The following KRCC1 variants were observed in gnomAD, a reference collection of about 807,000 sequenced individuals.
The protein encoded by KRCC1 is lysine rich coiled-coil 1.
KRCC1 carries 3 observed loss-of-function variants against 7.4 expected under a neutral mutation model. The ratio of observed to expected loss-of-function variants is 0.40; its 90% CI spans 0.18 to 1.04. The LOEUF (loss-of-function observed/expected upper bound fraction) is 1.04. Ranked by LOEUF, KRCC1 falls within the 50% of genes least tolerant of loss-of-function variation. The pLI, the probability that KRCC1 is intolerant of heterozygous loss-of-function variation, is 0.33. For missense variants in KRCC1, 277 were observed against 300.9 expected, an observed-to-expected ratio of 0.92 and a Z score of 0.59; for synonymous variants, 102 against 101.6, an observed-to-expected ratio of 1.00 and a Z score of -0.02.
At chr2:88,053,929 A>G (rs752031145) in intron 1 of KRCC1, among the ~76,000 whole-genome samples, 2 of 152,224 alleles carry the variant, frequency 1.3e-5, no homozygotes, top group Non-Finnish European at 2.9e-5. Flanking sequence ...AAAAAGCAAC[A>G]TAAGGCAACA....
At chr2:88,049,747 C>T (rs1345092132) in intron 1 of KRCC1, among the ~76,000 whole-genome samples, 1 of 152,246 alleles carries the variant, frequency 6.6e-6, no homozygotes, top group Non-Finnish European at 1.5e-5. Context: ...TTTTAACATG[C>T]TTAGTTAATA....
chr2:88,041,180 G>T (rs978923127), intron 1 of KRCC1, among the ~76,000 whole-genome samples: 1 of 152,172 alleles, frequency 6.6e-6, no homozygotes, highest in Admixed American at 6.5e-5. Flanking sequence ...GGAAGAATAT[G>T]AGAGATATTC....
chr2:88,053,180 A>G (rs1199121634), intron 1 of KRCC1, among the ~76,000 whole-genome samples: 1 of 152,080 alleles, frequency 6.6e-6, no homozygotes, highest in East Asian at 1.9e-4. Flanking sequence ...CCGACAGATG[A>G]CCAAACTCAA....
Position 88,027,763 on chromosome 2 carries a change from G to A in KRCC1, c.*21C>T. On this transcript the variant is annotated 3_prime_UTR_variant, in exon 4 of 4. Coordinates refer to ENST00000347055, the MANE Select transcript of KRCC1 (RefSeq NM_016618.3). ...CACCTATTTTTTCAATTTAACTTTGGGAGAACCAACTTTGAAAGCTTCAAA... is the reference window on the plus strand; with the variant it reads ...CACCTATTTTTTCAATTTAACTTTGAGAGAACCAACTTTGAAAGCTTCAAA... 6.5e-7 allele frequency: 1 copy of A among 1,549,348 alleles called. No individual in the cohort carries two copies. Among genetic ancestry groups the A allele is most frequent in the Non-Finnish European group, 8.7e-7 (1 of 1,154,580 alleles).
intron 1 of KRCC1, among the ~76,000 whole-genome samples, chr2:88,043,262 A>G (rs1050205079): frequency 2.0e-5 from 3 of 152,226 alleles, no homozygotes; most frequent in Non-Finnish European, 4.4e-5. Context: ...TCACACACAC[A>G]GCAGAAGTAT....
At position 88,027,639 on chromosome 2, in the gene KRCC1, C is replaced by G; in HGVS notation, c.*145G>C. On this transcript the variant is annotated 3_prime_UTR_variant, in exon 4 of 4. Coordinates refer to ENST00000347055, the MANE Select transcript of KRCC1 (RefSeq NM_016618.3). ...AGCAATTTCTGTGTTGGAGAGCAAG[C>G]ATGCTAAACACTTTGTTTACTAGGC... is the stretch of plus-strand genomic sequence containing the variant. The G allele has an allele frequency of 1.7e-6, 1 of 593,158 alleles. No homozygotes were observed. Among genetic ancestry groups the G allele is most frequent in the Non-Finnish European group, 2.8e-6 (1 of 355,638 alleles). 36.7% of individuals were successfully genotyped at this position (593,158 alleles called of 1,614,324 possible). A position where few individuals can be genotyped will look rare whatever the true frequency, so the allele number is the denominator to read the frequency against.
intron 1 of KRCC1, among the ~76,000 whole-genome samples, chr2:88,044,084 T>C (rs897420014): frequency 7.2e-5 from 11 of 152,318 alleles, no homozygotes; most frequent in Non-Finnish European, 1.0e-4. Context: ...AACATGTCCA[T>C]GGTTGCAGTT....
chr2:88,043,153 G>C (rs1365260703), intron 1 of KRCC1, among the ~76,000 whole-genome samples: 1 of 152,110 alleles, frequency 6.6e-6, no homozygotes, highest in Non-Finnish European at 1.5e-5. Context: ...TACAGCAGTG[G>C]TTCTCAATCT....
intron 1 of KRCC1, among the ~76,000 whole-genome samples, chr2:88,042,608 C>T (rs1028961242): frequency 2.6e-5 from 4 of 152,052 alleles, no homozygotes; most frequent in African/African-American, 7.2e-5. Flanking sequence ...TTTGTAGAAA[C>T]AGGAATCTCA....
At chr2:88,054,990 C>T (rs1037041223) in intron 1 of KRCC1, among the ~76,000 whole-genome samples, 1 of 152,130 alleles carries the variant, frequency 6.6e-6, no homozygotes, top group African/African-American at 2.4e-5. Flanking sequence ...TAAAAGCACA[C>T]ACACATAAAA....
At chr2:88,040,534 T>C (rs1673187810) in intron 1 of KRCC1, among the ~76,000 whole-genome samples, 2 of 152,204 alleles carry the variant, frequency 1.3e-5, no homozygotes, top group African/African-American at 2.4e-5. Flanking sequence ...TGTTTCTGTT[T>C]TTTACTTTTG....
chr2:88,047,679 C>G (rs1673369136), intron 1 of KRCC1, among the ~76,000 whole-genome samples: 1 of 152,050 alleles, frequency 6.6e-6, no homozygotes, highest in South Asian at 2.1e-4. Context: ...CAGGCACACA[C>G]CACCACGCCT....
intron 1 of KRCC1, among the ~76,000 whole-genome samples, chr2:88,038,638 A>G (rs371039099): frequency 3.3e-5 from 5 of 152,212 alleles, no homozygotes; most frequent in African/African-American, 1.2e-4. Flanking sequence ...TAAAGGAAAA[A>G]GGTTTAATTG....
At chr2:88,053,954 A>G (rs1673556123) in intron 1 of KRCC1, among the ~76,000 whole-genome samples, 1 of 152,198 alleles carries the variant, frequency 6.6e-6, no homozygotes, top group Admixed American at 6.5e-5. Context: ...AAACACTAAA[A>G]AATTTGATAC....
In KRCC1 at chr2:88,028,314, G is replaced by A. The variant is rs148657110; in HGVS notation, c.250C>T (p.Arg84Trp). The change falls in exon 4 of 4, where the codon CGG becomes TGG. Residue 84 changes from arginine (R) to tryptophan (W), a missense_variant. Physicochemically the swap from Arg to Trp is moderately radical, Grantham distance 101. Coordinates refer to ENST00000347055, the MANE Select transcript of KRCC1 (RefSeq NM_016618.3). ...TGGGCTGGTAACCACTGAGGCAACC[G>A]ATTTTCCACTGTTTGTGGAATATTG... ...SCNIPQTVEN[R>W]LPQWLPAHDS... 7.4e-4 allele frequency: 1,188 copies of A among 1,614,166 alleles called. 11 individuals are homozygous for A. In the South Asian group the frequency reaches 7.5e-3, roughly 10 times the overall value.
At chr2:88,041,588 T>C (rs1417219192) in intron 1 of KRCC1, among the ~76,000 whole-genome samples, 2 of 152,196 alleles carry the variant, frequency 1.3e-5, no homozygotes, top group South Asian at 2.1e-4. Context: ...CCTGAACTAA[T>C]TGTATATGTA....
Position 88,028,300 on chromosome 2 carries a change from C to A in KRCC1, c.264G>T (p.Trp88Cys). Reference sequence around the variant, plus strand: ...TCAATCTGCTGTCATGGGCTGGTAACCACTGAGGCAACCGATTTTCCACTG... The same window carrying A: ...TCAATCTGCTGTCATGGGCTGGTAAACACTGAGGCAACCGATTTTCCACTG... Reference protein sequence around the residue: ...PQTVENRLPQWLPAHDSRLRL... With the variant: ...PQTVENRLPQCLPAHDSRLRL... The change falls in exon 4 of 4, where the codon TGG becomes TGT. Residue 88 changes from tryptophan (W) to cysteine (C), a missense_variant. Physicochemically the swap from Trp to Cys is radical, Grantham distance 215. Coordinates refer to ENST00000347055, the MANE Select transcript of KRCC1 (RefSeq NM_016618.3). 6.2e-7 allele frequency: 1 copy of A among 1,614,200 alleles called. No individual in the cohort carries two copies. The highest frequency in any genetic ancestry group is 8.5e-7 in the Non-Finnish European group (1 of 1,180,050).
At chr2:88,049,005 T>C (rs966166620) in intron 1 of KRCC1, among the ~76,000 whole-genome samples, 3 of 152,194 alleles carry the variant, frequency 2.0e-5, no homozygotes, top group African/African-American at 4.8e-5. Context: ...TAATGCTCAT[T>C]GTTAATCTTG....
rs1673104153 is a variant in KRCC1 at position 88,036,969 on chromosome 2, T to C, written c.-208A>G. 6.6e-6 allele frequency: 1 copy of C among 152,244 alleles called. No homozygotes were observed. Among genetic ancestry groups the C allele is most frequent in the Non-Finnish European group, 1.5e-5 (1 of 68,046 alleles). 9.4% of individuals were successfully genotyped at this position (152,244 alleles called of 1,614,324 possible). A position where few individuals can be genotyped will look rare whatever the true frequency, so the allele number is the denominator to read the frequency against. ...TCATAATGCAAAATCCTTTGTTATTTGAACTGTAACACTACTCCACAGACA... is the reference window on the plus strand; with the variant it reads ...TCATAATGCAAAATCCTTTGTTATTCGAACTGTAACACTACTCCACAGACA... On this transcript the variant is annotated 5_prime_UTR_variant, in exon 2 of 4. Transcript: ENST00000347055.
Sources: allele counts gnomAD v4.1 joint callset (sites outside exome capture counted in the v4.1 genomes callset), GRCh38; gene constraint gnomAD v4.1.1; transcripts MANE v1.5; gene names NCBI Gene and HGNC (gene_info 2026-07-23, HGNC 2026-07-21).